The following MSR1 variants were observed in gnomAD, a reference collection of about 807,000 sequenced individuals.
MSR1 encodes macrophage scavenger receptor 1.
Under a neutral mutation model 47.2 loss-of-function variants are expected in MSR1, and 53 were observed. The ratio of observed to expected loss-of-function variants is 1.12; its 90% CI spans 0.90 to 1.41. The LOEUF (loss-of-function observed/expected upper bound fraction) is 1.41. MSR1 is among the 40% of genes most tolerant of loss of function. The pLI is 0.00. For missense variants in MSR1, 786 were observed against 546.9 expected (o/e 1.44, Z -4.36); for synonymous variants, 239 against 185.6 (o/e 1.29, Z -2.34).
chr8:16,158,110 CA>C (rs974363744), intron 5 of MSR1, among the ~76,000 whole-genome samples: 18 of 151,124 alleles, frequency 1.2e-4, no homozygotes, highest in Middle Eastern at 3.4e-3. Context: ...TGATACATGT[CA>C]AAAAAAATGG....
In MSR1 at chr8:16,132,564, T is replaced by G. The variant is rs183106878; in HGVS notation, c.1033+10994A>C. On this transcript the variant is annotated intron_variant, in intron 8 of 9. Transcript: ENST00000262101. ...GTGCAGTGGCATGATCTTGGCTCAC[T>G]GCAACCCCTGCCTCCCAGGTTCAAG... Among the ~76,000 whole-genome samples, 790 of 152,236 alleles carry G rather than the reference T, an allele frequency of 5.2e-3. 9 individuals carry two copies. The highest frequency in any genetic ancestry group is 0.018 in the African/African-American group (761 of 41,540).
intron 8 of MSR1, among the ~76,000 whole-genome samples, chr8:16,143,215 A>G (rs1181000829): frequency 6.6e-6 from 1 of 152,110 alleles, no homozygotes; most frequent in African/African-American, 2.4e-5. Flanking sequence ...TCATTTAGTA[A>G]GGAAGGAGGT....
intron 9 of MSR1, among the ~76,000 whole-genome samples, chr8:16,114,821 G>A (rs1316805306): frequency 1.3e-5 from 2 of 152,130 alleles, no homozygotes; most frequent in African/African-American, 4.8e-5. Context: ...AAAAAAATAT[G>A]TGGAGACTGT....
chr8:16,141,925 A>G (rs1164948879), intron 8 of MSR1, among the ~76,000 whole-genome samples: 1 of 152,210 alleles, frequency 6.6e-6, no homozygotes, highest in Non-Finnish European at 1.5e-5. Context: ...AGATAAAATA[A>G]AGGCAGAGAT....
chr8:16,141,242 A>T (rs1800549661), intron 8 of MSR1: 1 of 624,492 alleles, frequency 1.6e-6, no homozygotes, highest in African/African-American at 1.8e-5. Flanking sequence ...ATAATTCATC[A>T]AATGGTAAAA....
intron 2 of MSR1, among the ~76,000 whole-genome samples, chr8:16,177,470 GTCTT>G (rs375469195): frequency 5.6e-4 from 85 of 152,028 alleles, no homozygotes; most frequent in African/African-American, 1.9e-3. Flanking sequence ...AGGGCACATG[GTCTT>G]TCTGACACCT....
At chr8:16,153,275 A>T (rs1353561123) in intron 6 of MSR1, among the ~76,000 whole-genome samples, 1 of 152,056 alleles carries the variant, frequency 6.6e-6, no homozygotes, top group Non-Finnish European at 1.5e-5. Context: ...ATCAAATATA[A>T]GGCAATTAGA....
intron 6 of MSR1, among the ~76,000 whole-genome samples, chr8:16,152,407 T>C (rs1585165477): frequency 6.6e-6 from 1 of 152,092 alleles, no homozygotes; most frequent in African/African-American, 2.4e-5. Flanking sequence ...GATATAAACA[T>C]TAATAAAATA....
At chr8:16,139,284 T>C (rs1800467387) in intron 8 of MSR1, 1 of 984,634 alleles carries the variant, frequency 1.0e-6, no homozygotes, top group African/African-American at 1.7e-5. Context: ...GGAAAAGCTA[T>C]TCCAGTTCAG....
At chr8:16,131,953 G>A (rs1003645375) in intron 8 of MSR1, among the ~76,000 whole-genome samples, 1 of 150,396 alleles carries the variant, frequency 6.6e-6, no homozygotes, top group African/African-American at 2.4e-5. Flanking sequence ...AAATTGGCTT[G>A]GCTCTTTGGG....
At chr8:16,154,073 C>CAT (rs1225194606) in intron 6 of MSR1, among the ~76,000 whole-genome samples, 1 of 151,500 alleles carries the variant, frequency 6.6e-6, no homozygotes, top group Non-Finnish European at 1.5e-5. Flanking sequence ...TATTTATATA[C>CAT]ATATATATAC....
intron 5 of MSR1, among the ~76,000 whole-genome samples, chr8:16,158,842 A>G (rs73665236): frequency 0.043 from 6,457 of 150,756 alleles, 505 homozygotes; most frequent in African/African-American, 0.15. Context: ...TTCATTTTCC[A>G]CATCTGTTCT....
At chr8:16,158,637 T>G (rs537149411) in intron 5 of MSR1, among the ~76,000 whole-genome samples, 1 of 152,068 alleles carries the variant, frequency 6.6e-6, no homozygotes, top group Non-Finnish European at 1.5e-5. Context: ...TCTTTTTTTT[T>G]TCTCTAGTTT....
At chr8:16,125,719 T>C (rs1800112933) in intron 8 of MSR1, among the ~76,000 whole-genome samples, 1 of 152,124 alleles carries the variant, frequency 6.6e-6, no homozygotes. Context: ...CAGGTAGACA[T>C]ACTGGTACTT....
At chr8:16,133,362 G>T (rs1347387497) in intron 8 of MSR1, among the ~76,000 whole-genome samples, 1 of 152,126 alleles carries the variant, frequency 6.6e-6, no homozygotes, top group Admixed American at 6.6e-5. Context: ...AAAGAAGTCA[G>T]AAGGAGCCAA....
intron 8 of MSR1, among the ~76,000 whole-genome samples, chr8:16,131,263 T>C (rs116826495): frequency 6.6e-6 from 1 of 152,246 alleles, no homozygotes; most frequent in African/African-American, 2.4e-5. Context: ...TTGCATATGC[T>C]TGTTGGCCAC....
intron 8 of MSR1, among the ~76,000 whole-genome samples, chr8:16,137,235 A>G (rs1800412533): frequency 6.6e-6 from 1 of 152,088 alleles, no homozygotes. Flanking sequence ...GTTTCTGAGT[A>G]ATATCCTTAG....
At chr8:16,135,864 C>T (rs938310333) in intron 8 of MSR1, among the ~76,000 whole-genome samples, 7 of 152,080 alleles carry the variant, frequency 4.6e-5, no homozygotes, top group African/African-American at 1.7e-4. Flanking sequence ...GAGAAAGTCA[C>T]TACAGATGTG....
At chr8:16,137,567 G>C (rs1450740919) in intron 8 of MSR1, among the ~76,000 whole-genome samples, 1 of 152,074 alleles carries the variant, frequency 6.6e-6, no homozygotes, top group Non-Finnish European at 1.5e-5. Context: ...AAGGACTTTG[G>C]AGATTTAAAG....
Sources: gnomAD v4.1 joint callset for allele counts (sites outside exome capture counted in the v4.1 genomes callset) on GRCh38, gnomAD v4.1.1 for gene constraint, MANE v1.5 for transcripts, NCBI Gene and HGNC (gene_info 2026-07-23, HGNC 2026-07-21) for gene names.